Variants in BHMT observed in about 807,000 individuals in gnomAD.
BHMT encodes the protein betaine--homocysteine S-methyltransferase 1.
BHMT carries 38 observed loss-of-function variants against 49.5 expected under a neutral mutation model. The observed-to-expected ratio is 0.77, with a 90% confidence interval of 0.59 to 1.01. The LOEUF (loss-of-function observed/expected upper bound fraction) is 1.01. BHMT is among the 50% of genes least tolerant of loss of function. The pLI is 0.00. For missense variants in BHMT, 426 were observed against 495.7 expected, an observed-to-expected ratio of 0.86 and a Z score of 1.34; for synonymous variants, 166 against 176.3, an observed-to-expected ratio of 0.94 and a Z score of 0.46.
Position 79,126,045 on chromosome 5 carries a change from G to A in BHMT, c.626-1G>A, listed in dbSNP as rs1183121787. 1 of 1,595,736 alleles carries A rather than the reference G, an allele frequency of 6.3e-7. No individual in the cohort carries two copies. Among genetic ancestry groups the A allele is most frequent in the African/African-American group, 1.3e-5 (1 of 74,748 alleles). On this transcript the variant is annotated splice_acceptor_variant, in intron 5 of 7. Transcript: ENST00000274353. LOFTEE classifies it high-confidence loss of function. Reference sequence around the variant, plus strand: ...GTCTATCATGTTCTTCCCACTCACAGGAGCATCCATCATTGGTGTGAACTG... The same window carrying A: ...GTCTATCATGTTCTTCCCACTCACAAGAGCATCCATCATTGGTGTGAACTG...
At chr5:79,120,900 C>G (rs1756457500) in intron 4 of BHMT, among the ~76,000 whole-genome samples, 1 of 152,266 alleles carries the variant, frequency 6.6e-6, no homozygotes, top group African/African-American at 2.4e-5. Flanking sequence ...CACCTGTAAT[C>G]CCAGCACTTT....
rs1343869699 is a variant in BHMT at position 79,119,256 on chromosome 5, C to A, written c.167-3C>A. 1 of 1,598,522 alleles carries A rather than the reference C, an allele frequency of 6.3e-7. No homozygotes were observed. The highest frequency in any genetic ancestry group is 1.8e-5 in the Admixed American group (1 of 56,282). On this transcript the variant is annotated splice_region_variant and splice_polypyrimidine_tract_variant and intron_variant, in intron 2 of 7. Transcript: ENST00000274353. Reference sequence around the variant, plus strand: ...TTATACCTTTCCTCATTCACTCTCCCAGTTCGCCAGCTTCATCGAGAGTTC... The same window carrying A: ...TTATACCTTTCCTCATTCACTCTCCAAGTTCGCCAGCTTCATCGAGAGTTC...
At chr5:79,125,438 A>G (rs2112730564) in intron 5 of BHMT, among the ~76,000 whole-genome samples, 1 of 145,654 alleles carries the variant, frequency 6.9e-6, no homozygotes, top group South Asian at 2.3e-4. Context: ...CCTGGGCAAC[A>G]GAGCAAGAGT....
Position 79,125,956 on chromosome 5 carries a change from AG to A in BHMT, c.626-89del, listed in dbSNP as rs373915293. ...AGATTGTGTCTCAAAAAATGAAAAA[AG>A]AACTTCCTGATTCCTGATGAAGAGA... On this transcript the variant is annotated intron_variant, in intron 5 of 7. Transcript: ENST00000274353. 6.6e-5 allele frequency: 91 copies of A among 1,383,888 alleles called. 2 individuals are homozygous for A. The highest frequency in any genetic ancestry group is 1.2e-4 in the African/African-American group (8 of 68,782). 85.7% of individuals were successfully genotyped at this position (1,383,888 alleles called of 1,614,324 possible). A position where few individuals can be genotyped will look rare whatever the true frequency, so the allele number is the denominator to read the frequency against.
chr5:79,128,486 C>T (rs367910772), intron 7 of BHMT, among the ~76,000 whole-genome samples: 3 of 143,506 alleles, frequency 2.1e-5, no homozygotes, highest in East Asian at 2.1e-4. Context: ...GCCAAGATCA[C>T]GCCACTGCAC....
intron 5 of BHMT, among the ~76,000 whole-genome samples, chr5:79,125,543 A>C (rs1382978284): frequency 6.6e-6 from 1 of 151,694 alleles, no homozygotes; most frequent in African/African-American, 2.4e-5. Context: ...AAGCACTTTC[A>C]CAGAAAGCAC....
chr5:79,122,644 T>G (rs1280016425), intron 5 of BHMT, among the ~76,000 whole-genome samples: 1 of 151,926 alleles, frequency 6.6e-6, no homozygotes, highest in Non-Finnish European at 1.5e-5. Context: ...CCCACTTGGT[T>G]CCAGACTTGG....
At chr5:79,124,879 T>C (rs565115681) in intron 5 of BHMT, among the ~76,000 whole-genome samples, 1 of 152,294 alleles carries the variant, frequency 6.6e-6, no homozygotes, top group South Asian at 2.1e-4. Flanking sequence ...TTCCCCAAAC[T>C]ATTAATCCTA....
chr5:79,124,431 TG>T (rs1400741354), intron 5 of BHMT, among the ~76,000 whole-genome samples: 1 of 148,256 alleles, frequency 6.7e-6, no homozygotes, highest in Non-Finnish European at 1.5e-5. Flanking sequence ...CAGTTTTACA[TG>T]ATATATATTT....
chr5:79,121,045 G>A (rs59121233), intron 4 of BHMT, among the ~76,000 whole-genome samples, 173 bp from the exon 5 acceptor site: 7,782 of 152,070 alleles, frequency 0.051, 299 homozygotes, highest in African/African-American at 0.11. Flanking sequence ...CAGCTACTTG[G>A]GAGGCGGAGG....
intron 2 of BHMT, among the ~76,000 whole-genome samples, chr5:79,117,423 C>A (rs1026007012): frequency 3.9e-5 from 6 of 151,990 alleles, no homozygotes; most frequent in African/African-American, 1.5e-4. Context: ...TTCATTGGTT[C>A]TGTTATTAAT....
In BHMT at chr5:79,112,524, C is replaced by T. The variant is rs570777928; in HGVS notation, c.33+606C>T. On this transcript the variant is annotated intron_variant, in intron 1 of 7. Coordinates refer to ENST00000274353, the MANE Select transcript of BHMT (RefSeq NM_001713.3). ...CGGGGCCGCCTCCCCGCCGGGTTCT[C>T]GCTGCACCCAAGGCCCAGGCGCTGG... Among the ~76,000 whole-genome samples, 9 of 152,340 alleles carry T rather than the reference C, an allele frequency of 5.9e-5. No homozygotes were observed. In the South Asian group the frequency reaches 1.7e-3, roughly 28 times the overall value.
chr5:79,118,688 C>T (rs910074161), intron 2 of BHMT, among the ~76,000 whole-genome samples: 4 of 152,204 alleles, frequency 2.6e-5, no homozygotes, highest in South Asian at 2.1e-4. Context: ...CCCCCAAATG[C>T]CATGCCTGTT....
In BHMT at chr5:79,119,379, T is replaced by A; in HGVS notation, c.285+2T>A. ...AACTATGTCTTAGAGAAGATATCTG[T>A]GAGTAAAACCAGCCGTGGGACTTTT... On this transcript the variant is annotated splice_donor_variant, in intron 3 of 7. Coordinates refer to ENST00000274353, the MANE Select transcript of BHMT (RefSeq NM_001713.3). LOFTEE classifies it high-confidence loss of function. The A allele has an allele frequency of 6.2e-7, 1 of 1,603,030 alleles. No individual in the cohort carries two copies. Among genetic ancestry groups the A allele is most frequent in the Non-Finnish European group, 8.5e-7 (1 of 1,171,418 alleles).
In BHMT at chr5:79,127,839, G is replaced by A. The variant is rs1158827756; in HGVS notation, c.893G>A (p.Gly298Glu). The A allele has an allele frequency of 6.2e-7, 1 of 1,614,144 alleles. No individual in the cohort carries two copies. Among genetic ancestry groups the A allele is most frequent in the East Asian group, 2.2e-5 (1 of 44,886 alleles). ...AACCTGGGGGTCAGGTACATTGGCG[G>A]GTGCTGTGGATTTGAGCCCTACCAC... Reference protein sequence around the residue: ...AYNLGVRYIGGCCGFEPYHIR... With the variant: ...AYNLGVRYIGECCGFEPYHIR... Residue 298 changes from glycine (G) to glutamate (E), a missense_variant, in exon 7 of 8, where the codon GGG (glycine) becomes GAG (glutamate). Gly to Glu is a moderately conservative substitution (Grantham distance 98). This residue lies in a region of BHMT where 32 missense variants were observed against 71.6 expected (regional missense o/e 0.45). Transcript: ENST00000274353.
Position 79,116,025 on chromosome 5 carries a change from C to T in BHMT, c.166+126C>T, listed in dbSNP as rs1290960785. 9 of 1,234,764 alleles carry T rather than the reference C, an allele frequency of 7.3e-6. No individual in the cohort carries two copies. The East Asian group carries it at 2.6e-4, about 35-fold the overall frequency. The allele number at this position is 1,234,764 out of a possible 1,614,324, so 76.5% of individuals were successfully genotyped here. On this transcript the variant is annotated intron_variant, in intron 2 of 7. Transcript: ENST00000274353. Reference sequence around the variant, plus strand: ...TTGAGCCCAGGAGTTCAAGACCAGCCTGGGCACATAGGGAGACCTAGTCTC... The same window carrying T: ...TTGAGCCCAGGAGTTCAAGACCAGCTTGGGCACATAGGGAGACCTAGTCTC...
intron 4 of BHMT, among the ~76,000 whole-genome samples, chr5:79,120,905 C>A (rs912519559): frequency 1.3e-5 from 2 of 152,120 alleles, no homozygotes; most frequent in East Asian, 1.9e-4. Context: ...GTAATCCCAG[C>A]ACTTTGGGAG....
chr5:79,115,955 T>C (rs1164039081), intron 2 of BHMT, 56 bp downstream of exon 2: 2 of 1,530,220 alleles, frequency 1.3e-6, no homozygotes, highest in East Asian at 4.8e-5. Context: ...TGGAGGCTCA[T>C]GCCTGTAATC....
rs572370277 is a variant in BHMT at position 79,124,190 on chromosome 5, G to A, written c.626-1856G>A. Among the ~76,000 whole-genome samples the A allele has an allele frequency of 2.0e-3, 310 of 151,902 alleles. 1 individual carries two copies. Among genetic ancestry groups the A allele is most frequent in the Non-Finnish European group, 3.5e-3 (238 of 67,940 alleles). ...GGGTAGAGTTTCTCTTTGGGGTATC[G>A]AAAAAATGTGGAAATAGTGATAATG... On this transcript the variant is annotated intron_variant, in intron 5 of 7. Coordinates refer to ENST00000274353, the MANE Select transcript of BHMT (RefSeq NM_001713.3).
Sources: allele counts gnomAD v4.1 joint callset (sites outside exome capture counted in the v4.1 genomes callset), GRCh38; gene constraint gnomAD v4.1.1; regional missense constraint gnomAD v4.1.1; transcripts MANE v1.5; gene names NCBI Gene and HGNC (gene_info 2026-07-23, HGNC 2026-07-21).